The following CNTLN variants were observed in gnomAD, a reference collection of about 807,000 sequenced individuals.
CNTLN encodes the protein centlein, centrosomal protein.
CNTLN carries 212 observed loss-of-function variants against 180.0 expected under a neutral mutation model. That is an observed-to-expected ratio of 1.18 (90% CI 1.05 to 1.32). The LOEUF is 1.32. CNTLN is among the 40% of genes most tolerant of loss of function. CNTLN has a pLI of 0.00. For synonymous variants in CNTLN, 722 were observed against 563.1 expected, an observed-to-expected ratio of 1.28 and a Z score of -3.99; for missense variants, 2,095 against 1,610.9, an observed-to-expected ratio of 1.30 and a Z score of -5.14.
rs537752171 is a variant in CNTLN, at chr9:17,457,491, T to C, written c.3115-33T>C. 20 of 1,129,000 alleles carry C rather than the reference T, an allele frequency of 1.8e-5. No homozygotes were observed. In the East Asian group the frequency reaches 3.4e-4, roughly 19 times the overall value. The allele number at this position is 1,129,000 out of a possible 1,614,324, so 69.9% of individuals were successfully genotyped here. The stretch of plus-strand genomic sequence containing the variant: ...ATTAAATATAGTTACTTTTAAAATA[T>C]ATTTATATTTATTTTCTTTTTTTAA... On this transcript the variant is annotated intron_variant, in intron 18 of 25. Transcript: ENST00000380647.
At chr9:17,500,017 CAAAT>C (rs1425841077) in intron 25 of CNTLN, among the ~76,000 whole-genome samples, 1 of 152,042 alleles carries the variant, frequency 6.6e-6, no homozygotes, top group Non-Finnish European at 1.5e-5. Flanking sequence ...TATGTAATGA[CAAAT>C]AATATGATTC....
intron 9 of CNTLN, among the ~76,000 whole-genome samples, chr9:17,332,086 C>A (rs976501426): frequency 3.9e-5 from 6 of 152,014 alleles, no homozygotes; most frequent in African/African-American, 1.4e-4. Flanking sequence ...ATTCTTGTCT[C>A]TAGTTAGCCA....
chr9:17,245,139 T>G (rs1825724088), intron 5 of CNTLN, among the ~76,000 whole-genome samples: 2 of 152,202 alleles, frequency 1.3e-5, no homozygotes, highest in Admixed American at 1.3e-4. Context: ...GCCAGTGAGC[T>G]TTGTTCCTTT....
chr9:17,268,484 G>A (rs1236144442), intron 5 of CNTLN, among the ~76,000 whole-genome samples: 1 of 152,190 alleles, frequency 6.6e-6, no homozygotes. Context: ...CTGCTCGGGG[G>A]TCAGGGACCC....
intron 18 of CNTLN, among the ~76,000 whole-genome samples, chr9:17,434,678 C>A (rs570568145): frequency 1.3e-5 from 2 of 152,060 alleles, no homozygotes; most frequent in African/African-American, 4.8e-5. Context: ...AACAAAATTA[C>A]GATTTCAGCT....
intron 5 of CNTLN, among the ~76,000 whole-genome samples, chr9:17,255,945 GTATTTGTTAGAATA>G (rs1826457557): frequency 6.6e-6 from 1 of 151,726 alleles, no homozygotes; most frequent in African/African-American, 2.4e-5. Context: ...ATACAATTTT[GTATTTGTTAGAATA>G]CAGATTTTTT....
intron 13 of CNTLN, among the ~76,000 whole-genome samples, chr9:17,381,497 G>A (rs1825252945): frequency 6.6e-6 from 1 of 152,174 alleles, no homozygotes; most frequent in East Asian, 1.9e-4. Flanking sequence ...TTTTCCAAAT[G>A]TTTTGTAACT....
intron 8 of CNTLN, among the ~76,000 whole-genome samples, chr9:17,328,408 G>C (rs1054845775): frequency 3.9e-5 from 6 of 152,146 alleles, no homozygotes; most frequent in African/African-American, 9.7e-5. Context: ...AGTAAATCTA[G>C]CAACAGTGGG....
intron 15 of CNTLN, among the ~76,000 whole-genome samples, chr9:17,406,726 T>C (rs1827421730): frequency 6.6e-6 from 1 of 151,826 alleles, no homozygotes; most frequent in African/African-American, 2.4e-5. Context: ...AAGAATTTGT[T>C]CATCAATTCT....
At chr9:17,469,622 A>G (rs1831945565) in intron 23 of CNTLN, among the ~76,000 whole-genome samples, 1 of 151,908 alleles carries the variant, frequency 6.6e-6, no homozygotes, top group Non-Finnish European at 1.5e-5. Flanking sequence ...AATACTTAAG[A>G]CCTTCCATAG....
chr9:17,483,030 T>G (rs868433476), intron 23 of CNTLN, among the ~76,000 whole-genome samples: 2 of 152,236 alleles, frequency 1.3e-5, no homozygotes, highest in Non-Finnish European at 2.9e-5. Context: ...TTCATTAATT[T>G]GAATACATAC....
chr9:17,382,471 T>A (rs1825334968), intron 13 of CNTLN, among the ~76,000 whole-genome samples: 1 of 152,192 alleles, frequency 6.6e-6, no homozygotes. Flanking sequence ...ATATTCAGGT[T>A]TTCTCCAATA....
chr9:17,466,148 A>C (rs1204960860), intron 22 of CNTLN, 30 bp downstream of exon 22: 1 of 1,558,152 alleles, frequency 6.4e-7, no homozygotes, highest in Non-Finnish European at 8.8e-7. Flanking sequence ...ATTTTAGATT[A>C]CAGATGGAAT....
intron 18 of CNTLN, among the ~76,000 whole-genome samples, chr9:17,432,511 T>A (rs1587977932): frequency 6.6e-6 from 1 of 152,026 alleles, no homozygotes; most frequent in Admixed American, 6.6e-5. Flanking sequence ...AGAAGATATA[T>A]GAGTTATGAA....
chr9:17,400,133 A>G lies in CNTLN; in HGVS notation c.2615+5064A>G, dbSNP rs576361636. ...TTTTTCTCCCCAACACAACTCTACC[A>G]TTATTTATTTATTTATTTTTTTGAG... On this transcript the variant is annotated intron_variant, in intron 15 of 25. Coordinates refer to ENST00000380647, the MANE Select transcript of CNTLN (RefSeq NM_017738.4). Among the ~76,000 whole-genome samples the G allele has an allele frequency of 2.0e-5, 3 of 152,016 alleles. No individual in the cohort carries two copies. The South Asian group carries it at 6.3e-4, about 32-fold the overall frequency.
chr9:17,310,642 G>A (rs1819066338), intron 8 of CNTLN, among the ~76,000 whole-genome samples: 1 of 152,092 alleles, frequency 6.6e-6, no homozygotes. Context: ...AGGTGATACT[G>A]ATCACCTGTT....
rs142684423 is a variant in CNTLN at position 17,261,754 on chromosome 9, G to A, written c.850-11979G>A. ...GCATGGCTTCTAATTAAACTAAAGA[G>A]GTTCTGCACAGCAGAAGAAACTAGC... On this transcript the variant is annotated intron_variant, in intron 5 of 25. Transcript: ENST00000380647. Among the ~76,000 whole-genome samples, 7 of 151,450 alleles carry A rather than the reference G, an allele frequency of 4.6e-5. No homozygotes were observed. The East Asian group carries it at 5.8e-4, about 13-fold the overall frequency.
chr9:17,298,334 A>C lies in CNTLN; in HGVS notation c.1128A>C (p.Glu376Asp), dbSNP rs778330877. 9 of 1,611,326 alleles carry C rather than the reference A, an allele frequency of 5.6e-6. No homozygotes were observed. The Admixed American group carries it at 1.5e-4, about 27-fold the overall frequency. ...LRNQEDVHTA[E>D]SISYQKLYNE... ...ATCAGGAAGATGTTCACACAGCTGAAAGTATATCATATCAAAAAGTATGCT... is the reference window on the plus strand; with the variant it reads ...ATCAGGAAGATGTTCACACAGCTGACAGTATATCATATCAAAAAGTATGCT... The change falls in exon 7 of 26, where the codon GAA becomes GAC. Residue 376 changes from glutamate (E) to aspartate (D), a missense_variant. Transcript: ENST00000380647.
At chr9:17,309,486 G>A (rs556401717) in intron 8 of CNTLN, among the ~76,000 whole-genome samples, 1 of 152,032 alleles carries the variant, frequency 6.6e-6, no homozygotes, top group Admixed American at 6.5e-5. Context: ...TATAGTTATC[G>A]TGATGAAACA....
Sources: allele counts gnomAD v4.1 joint callset (sites outside exome capture counted in the v4.1 genomes callset), GRCh38; gene constraint gnomAD v4.1.1; transcripts MANE v1.5; gene names NCBI Gene and HGNC (gene_info 2026-07-23, HGNC 2026-07-21).